Variants in SPRED1 observed in about 807,000 individuals in gnomAD.
The protein encoded by SPRED1 is sprouty related EVH1 domain containing 1.
In SPRED1, 18 loss-of-function variants were observed where a neutral mutation model predicts 52.3. That is an observed-to-expected ratio of 0.34 (90% confidence interval 0.24 to 0.51). SPRED1 has a LOEUF of 0.51. Among genes scored for constraint, SPRED1 ranks in the 20% least tolerant of loss-of-function variants. The pLI, the probability that SPRED1 is intolerant of heterozygous loss-of-function variation, is 0.97. For missense variants in SPRED1, 485 were observed against 551.0 expected (o/e 0.88, Z 1.20); for synonymous variants, 155 against 179.7 (o/e 0.86, Z 1.10).
At chr15:38,293,831 T>G (rs1200383692) in intron 1 of SPRED1, among the ~76,000 whole-genome samples, 1 of 152,216 alleles carries the variant, frequency 6.6e-6, no homozygotes, top group East Asian at 1.9e-4. Flanking sequence ...GATATACTTG[T>G]GTCATGCTCT....
chr15:38,278,344 G>T (rs1314808973), intron 1 of SPRED1, among the ~76,000 whole-genome samples: 1 of 152,138 alleles, frequency 6.6e-6, no homozygotes, highest in Non-Finnish European at 1.5e-5. Context: ...TTAGCCTGGT[G>T]TGGTGGTGCG....
chr15:38,289,229 G>GAA (rs10627721), intron 1 of SPRED1, among the ~76,000 whole-genome samples: 116,749 of 149,354 alleles, frequency 0.78, 46,449 homozygotes, highest in Non-Finnish European at 0.86. Flanking sequence ...CTTTGAAATG[G>GAA]AAAAAAAAAA....
chr15:38,346,268 G>A (rs1441725413), intron 5 of SPRED1, among the ~76,000 whole-genome samples: 4 of 151,418 alleles, frequency 2.6e-5, no homozygotes, highest in Admixed American at 1.3e-4. Flanking sequence ...AGTGAGCCAC[G>A]TACGCCATTG....
intron 5 of SPRED1, among the ~76,000 whole-genome samples, chr15:38,344,999 A>G (rs1896103131): frequency 6.6e-6 from 1 of 152,182 alleles, no homozygotes; most frequent in African/African-American, 2.4e-5. Flanking sequence ...GTAAAGAAAT[A>G]TTGTAGAAGT....
At chr15:38,298,531 T>C in intron 1 of SPRED1, 1 of 320,994 alleles carries the variant, frequency 3.1e-6, no homozygotes, top group Non-Finnish European at 5.9e-6. Flanking sequence ...TAACTTCTGG[T>C]ACACAAAACA....
At chr15:38,289,653 T>TA (rs1394683319) in intron 1 of SPRED1, among the ~76,000 whole-genome samples, 5 of 152,168 alleles carry the variant, frequency 3.3e-5, no homozygotes, top group Non-Finnish European at 7.3e-5. Flanking sequence ...CAGAGAAAGA[T>TA]ATAACTACAG....
intron 1 of SPRED1, among the ~76,000 whole-genome samples, chr15:38,296,081 T>C (rs1350113806): frequency 1.3e-5 from 2 of 152,140 alleles, no homozygotes; most frequent in African/African-American, 4.8e-5. Flanking sequence ...GCCTGGTTTT[T>C]CCTTATAATG....
rs73398496 is a variant in SPRED1 at position 38,335,895 on chromosome 15, A to G, written c.424-3842A>G. Among the ~76,000 whole-genome samples the G allele has an allele frequency of 8.4e-4, 128 of 152,194 alleles. 2 individuals carry two copies. The highest frequency in any genetic ancestry group is 3.0e-3 in the African/African-American group (125 of 41,578). On this transcript the variant is annotated intron_variant, in intron 4 of 6. Transcript: ENST00000299084. ...CTCTAATAAAGTTTAAAATAATAAA[A>G]ATTTAAAATATAAAATGATTCTATA...
At chr15:38,320,994 G>T (rs1026136063) in intron 2 of SPRED1, among the ~76,000 whole-genome samples, 1 of 152,304 alleles carries the variant, frequency 6.6e-6, no homozygotes, top group East Asian at 1.9e-4. Context: ...GTAGGCAAAA[G>T]TGGAACGTGG....
chr15:38,298,045 A>G (rs1332915974), intron 1 of SPRED1, among the ~76,000 whole-genome samples: 1 of 152,220 alleles, frequency 6.6e-6, no homozygotes, highest in African/African-American at 2.4e-5. Flanking sequence ...TAAAGACAAT[A>G]TAATAAAAAA....
rs35490364 is a variant in SPRED1, at chr15:38,354,495, G to A, written c.*2831G>A. 29,762 of 152,016 alleles carry A rather than the reference G, an allele frequency of 0.2. 3,363 individuals are homozygous for A. The highest frequency in any genetic ancestry group is 0.33 in the Middle Eastern group (96 of 294). 9.4% of individuals were successfully genotyped at this position (152,016 alleles called of 1,614,324 possible). ...CATTTGATTTCTGAAGAAGTATGTC[G>A]TGTGGAGCTTCAGCACCACCTACTG... is the stretch of plus-strand genomic sequence containing the variant. On this transcript the variant is annotated 3_prime_UTR_variant, in exon 7 of 7. Transcript: ENST00000299084.
At chr15:38,315,846 A>G (rs1207577785) in intron 2 of SPRED1, among the ~76,000 whole-genome samples, 2 of 151,980 alleles carry the variant, frequency 1.3e-5, no homozygotes, top group African/African-American at 4.8e-5. Context: ...AGTCACCAAC[A>G]TCACCATCAC....
At chr15:38,268,730 A>G (rs1894363757) in intron 1 of SPRED1, among the ~76,000 whole-genome samples, 1 of 152,220 alleles carries the variant, frequency 6.6e-6, no homozygotes, top group Non-Finnish European at 1.5e-5. Flanking sequence ...AAGGTAATTA[A>G]AAGATTTTTC....
chr15:38,353,714 T>G lies in SPRED1; in HGVS notation c.*2050T>G, dbSNP rs928639153. 1 of 152,588 alleles carries G rather than the reference T, an allele frequency of 6.6e-6. No homozygotes were observed. 9.5% of individuals were successfully genotyped at this position (152,588 alleles called of 1,614,324 possible). A position where few individuals can be genotyped will look rare whatever the true frequency, so the allele number is the denominator to read the frequency against. On this transcript the variant is annotated 3_prime_UTR_variant, in exon 7 of 7. Transcript: ENST00000299084. ...CCTTGTGAATGAATTTTCATATTTG[T>G]AAGTGCTAAGTTTATAATTCAGGTT...
At chr15:38,350,082 C>T (rs8027085) in intron 6 of SPRED1, among the ~76,000 whole-genome samples, 148,519 of 152,330 alleles carry the variant, frequency 0.97, 72,519 homozygotes, top group East Asian at 1. Context: ...ACCCAAGCTA[C>T]ACACATGTGT....
intron 1 of SPRED1, among the ~76,000 whole-genome samples, chr15:38,261,905 G>A (rs2140949707): frequency 6.6e-6 from 1 of 151,912 alleles, no homozygotes; most frequent in African/African-American, 2.4e-5. Context: ...AAAATTTAGT[G>A]AGTTGTGTCT....
At chr15:38,295,228 A>C (rs905726207) in intron 1 of SPRED1, among the ~76,000 whole-genome samples, 1 of 152,198 alleles carries the variant, frequency 6.6e-6, no homozygotes, top group South Asian at 2.1e-4. Context: ...GTGTACCTAC[A>C]CAAACCTAGA....
At chr15:38,278,795 G>C (rs1013040051) in intron 1 of SPRED1, among the ~76,000 whole-genome samples, 1 of 144,676 alleles carries the variant, frequency 6.9e-6, no homozygotes, top group Non-Finnish European at 1.5e-5. Flanking sequence ...TACATGTTCA[G>C]TACAAACACA....
chr15:38,253,274 C>G lies in SPRED1; in HGVS notation c.32+57C>G, dbSNP rs1894021644. Reference sequence around the variant, plus strand: ...CCCCTCCCCCTATCCGCCCTCGGCTCTCCCCCAGACCCATCCGAAACTTGG... The same window carrying G: ...CCCCTCCCCCTATCCGCCCTCGGCTGTCCCCCAGACCCATCCGAAACTTGG... On this transcript the variant is annotated intron_variant, in intron 1 of 6. Coordinates refer to ENST00000299084, the MANE Select transcript of SPRED1 (RefSeq NM_152594.3). The G allele has an allele frequency of 2.6e-6, 4 of 1,520,666 alleles. No homozygotes were observed. The South Asian group carries it at 3.6e-5, about 14-fold the overall frequency. The allele number at this position is 1,520,666 out of a possible 1,614,324, so 94.2% of individuals were successfully genotyped here.
Sources: allele counts gnomAD v4.1 joint callset (sites outside exome capture counted in the v4.1 genomes callset), GRCh38; gene constraint gnomAD v4.1.1; transcripts MANE v1.5; gene names NCBI Gene and HGNC (gene_info 2026-07-23, HGNC 2026-07-21).